Variants in DCAF11 observed in about 807,000 individuals in gnomAD.
DCAF11 encodes the protein DDB1 and CUL4 associated factor 11, also known as DDB1- and CUL4-associated factor 11.
Under a neutral mutation model 76.1 loss-of-function variants are expected in DCAF11, and 44 were observed. That is an observed-to-expected ratio of 0.58 (90% CI 0.45 to 0.74). The LOEUF (loss-of-function observed/expected upper bound fraction) is 0.74, where lower values mean the gene tolerates loss of function less well. Ranked by LOEUF, DCAF11 falls within the 30% of genes least tolerant of loss-of-function variation. The pLI, the probability that DCAF11 is intolerant of heterozygous loss-of-function variation, is 0.00. For missense variants in DCAF11, 604 were observed against 709.4 expected (o/e 0.85, Z 1.69); for synonymous variants, 258 against 255.0 (o/e 1.01, Z -0.11).
In DCAF11 at chr14:24,115,425, A is replaced by T; in HGVS notation, c.-170A>T. The T allele has an allele frequency of 3.3e-6, 3 of 899,794 alleles. No homozygotes were observed. Among genetic ancestry groups the T allele is most frequent in the Non-Finnish European group, 4.8e-6 (3 of 624,372 alleles). The allele number at this position is 899,794 out of a possible 1,614,324, so 55.7% of individuals were successfully genotyped here. A position where few individuals can be genotyped will look rare whatever the true frequency, so the allele number is the denominator to read the frequency against. On this transcript the variant is annotated 5_prime_UTR_variant, in exon 2 of 15. Transcript: ENST00000446197. ...TTCCCGACGCCTTGGTAGTTGGCAT[A>T]GGCTAAAGAAAAGGGATCTCAGCCC...
Position 24,118,456 on chromosome 14 carries a change from G to T in DCAF11, c.646G>T (p.Asp216Tyr). 6.2e-7 allele frequency: 1 copy of T among 1,614,176 alleles called. No homozygotes were observed. Residue 216 changes from aspartate to tyrosine, a missense_variant, in exon 7 of 15, where the codon GAC (aspartate) becomes TAC (tyrosine). Asp to Tyr is a radical substitution (Grantham distance 160). Transcript: ENST00000446197. ...TAAATTCAAGAGCATCAAGGCCCGCGACGTAGGCTGGAGCGTCTTGGATGT... is the reference window on the plus strand; with the variant it reads ...TAAATTCAAGAGCATCAAGGCCCGCTACGTAGGCTGGAGCGTCTTGGATGT... ...FRKFKSIKAR[D>Y]VGWSVLDVAF...
chr14:24,120,921 C>T lies in DCAF11; in HGVS notation c.1176C>T (p.Gly392=). ...TCCGACGCTTTTCCAGCCGGGAAGGCATGGAAGCTTCACGCCAGGCTGCCA... is the reference window on the plus strand; with the variant it reads ...TCCGACGCTTTTCCAGCCGGGAAGGTATGGAAGCTTCACGCCAGGCTGCCA... ...WDIRRFSSRE[G]MEASRQAATQ... is the part of the protein sequence containing the mutation. The change falls in exon 12 of 15, where the codon GGC becomes GGT. Residue 392 remains glycine (G), a synonymous_variant. Coordinates refer to ENST00000446197, the MANE Select transcript of DCAF11 (RefSeq NM_025230.5). 1 of 1,614,202 alleles carries T rather than the reference C, an allele frequency of 6.2e-7. No individual in the cohort carries two copies. Among genetic ancestry groups the T allele is most frequent in the South Asian group, 1.1e-5 (1 of 91,082 alleles).
intron 13 of DCAF11, 107 bp from the exon 14 acceptor site, chr14:24,122,864 A>C: frequency 2.1e-6 from 2 of 933,548 alleles, no homozygotes; most frequent in South Asian, 3.2e-5. Flanking sequence ...CCATGGGAAC[A>C]TGGGAAGTTG....
rs1170969287 is a variant in DCAF11 at position 24,118,981 on chromosome 14, T to C, written c.780-164T>C. 2.6e-6 allele frequency: 3 copies of C among 1,143,976 alleles called. No homozygotes were observed. The South Asian group carries it at 4.0e-5, about 15-fold the overall frequency. 70.9% of individuals were successfully genotyped at this position (1,143,976 alleles called of 1,614,324 possible). A position where few individuals can be genotyped will look rare whatever the true frequency, so the allele number is the denominator to read the frequency against. ...CCAGAGGACTGGGTAAAATAGATGG[T>C]TGCAGGATGATTTCTGGGTTCTCAC... On this transcript the variant is annotated intron_variant, in intron 8 of 14. Coordinates refer to ENST00000446197, the MANE Select transcript of DCAF11 (RefSeq NM_025230.5).
rs2037610369 is a variant in DCAF11 at position 24,117,761 on chromosome 14, T to C, written c.476+29T>C. The stretch of plus-strand genomic sequence containing the variant: ...AGTATGGGGCTTGGTGAAGAGACTC[T>C]AAGGGCCAGATAGGTCTTATCTCCT... On this transcript the variant is annotated intron_variant, in intron 5 of 14. Transcript: ENST00000446197. The surrounding 1 kb of genome is among the most constrained non-coding windows in gnomAD (Gnocchi z 4.3). 1 of 1,609,564 alleles carries C rather than the reference T, an allele frequency of 6.2e-7. No individual in the cohort carries two copies.
Position 24,118,068 on chromosome 14 carries a change from G to C in DCAF11, c.490G>C (p.Asp164His). 1 of 1,611,506 alleles carries C rather than the reference G, an allele frequency of 6.2e-7. No individual in the cohort carries two copies. The highest frequency in any genetic ancestry group is 1.1e-5 in the South Asian group (1 of 90,682). ...CTCCTTCCCTAGCTTCTTGCCCAAT[G>C]ATCTGGGCTTCACTGATAGCTACTC... ...SRVISHFLPN[D>H]LGFTDSYSQK... The change falls in exon 6 of 15, where the codon GAT becomes CAT. Residue 164 changes from aspartate (D) to histidine (H), a missense_variant. Coordinates refer to ENST00000446197, the MANE Select transcript of DCAF11 (RefSeq NM_025230.5).
Position 24,123,006 on chromosome 14 carries a change from C to A in DCAF11, c.1435C>A (p.Leu479Met). ...TCTAAGTGGCCACATTGTGAAGAAG[C>A]TGACCAACCACAAGGCCTGTGTGCG... Reference protein sequence around the residue: ...DLLSGHIVKKLTNHKACVRDV... With the variant: ...DLLSGHIVKKMTNHKACVRDV... Residue 479 changes from leucine (L) to methionine (M), a missense_variant, in exon 14 of 15, where the codon CTG becomes ATG. Coordinates refer to ENST00000446197, the MANE Select transcript of DCAF11 (RefSeq NM_025230.5). 4 of 1,614,198 alleles carry A rather than the reference C, an allele frequency of 2.5e-6. No homozygotes were observed. Among genetic ancestry groups the A allele is most frequent in the Non-Finnish European group, 3.4e-6 (4 of 1,180,034 alleles).
In DCAF11 at chr14:24,123,183, G is replaced by C; in HGVS notation, c.1515G>C (p.Gly505=). The C allele has an allele frequency of 6.2e-7, 1 of 1,610,840 alleles. No individual in the cohort carries two copies. The part of the protein sequence containing the change: ...EEKIVSSSWD[G]NLRLWQYRQA... ...CACCCTCTGCCCTGCAGTGGGACGG[G>C]AACCTGCGTCTGTGGCAGTACCGCC... Residue 505 remains glycine (G), a synonymous_variant, in exon 15 of 15, where the codon GGG becomes GGC. Coordinates refer to ENST00000446197, the MANE Select transcript of DCAF11 (RefSeq NM_025230.5).
Position 24,123,668 on chromosome 14 carries a change from C to T in DCAF11, c.*359C>T, listed in dbSNP as rs183269320. ...TGCCTGAGGCCACATCTGAACAGAC[C>T]TGTCAGCCAGGCCTGCCAGGTCTTC... On this transcript the variant is annotated 3_prime_UTR_variant, in exon 15 of 15. Transcript: ENST00000446197. 1.5e-4 allele frequency: 30 copies of T among 199,578 alleles called. No individual in the cohort carries two copies. The highest frequency in any genetic ancestry group is 1.1e-3 in the Admixed American group (19 of 17,134). The allele number at this position is 199,578 out of a possible 1,614,324, so 12.4% of individuals were successfully genotyped here. A position where few individuals can be genotyped will look rare whatever the true frequency, so the allele number is the denominator to read the frequency against.
At position 24,115,042 on chromosome 14, in the gene DCAF11, A is replaced by AG; in HGVS notation, c.-461dup. On this transcript the variant is annotated 5_prime_UTR_variant, in exon 1 of 15. It introduces an in-frame stop codon into an upstream open reading frame of the 5' UTR. Coordinates refer to ENST00000446197, the MANE Select transcript of DCAF11 (RefSeq NM_025230.5). ...CCACGTGGGCGTGAGGCGAGGAAGG[A>AG]GGGGTGTTAGGCCAAATTCTATTTT... The AG allele has an allele frequency of 1.0e-6, 1 of 985,150 alleles. No homozygotes were observed. The highest frequency in any genetic ancestry group is 1.2e-6 in the Non-Finnish European group (1 of 829,308). 61.0% of individuals were successfully genotyped at this position (985,150 alleles called of 1,614,324 possible).
In DCAF11 at chr14:24,115,522, T is replaced by G; in HGVS notation, c.-73T>G. 3.3e-6 allele frequency: 5 copies of G among 1,526,682 alleles called. No individual in the cohort carries two copies. Among genetic ancestry groups the G allele is most frequent in the Non-Finnish European group, 4.4e-6 (5 of 1,138,724 alleles). The allele number at this position is 1,526,682 out of a possible 1,614,324, so 94.6% of individuals were successfully genotyped here. ...AGACCCTGGTATTTCTAGAGCACGC[T>G]TTGCTTTCACCAAACCCAAGGAGGT... On this transcript the variant is annotated 5_prime_UTR_variant, in exon 2 of 15. Transcript: ENST00000446197.
In DCAF11 at chr14:24,124,400, C is replaced by A. The variant is rs2139026836; in HGVS notation, c.*1091C>A. 6.6e-6 allele frequency: 1 copy of A among 152,358 alleles called. No homozygotes were observed. Among genetic ancestry groups the A allele is most frequent in the South Asian group, 2.1e-4 (1 of 4,832 alleles). 9.4% of individuals were successfully genotyped at this position (152,358 alleles called of 1,614,324 possible). A position where few individuals can be genotyped will look rare whatever the true frequency, so the allele number is the denominator to read the frequency against. On this transcript the variant is annotated 3_prime_UTR_variant, in exon 15 of 15. Coordinates refer to ENST00000446197, the MANE Select transcript of DCAF11 (RefSeq NM_025230.5). ...AAGCAAGTCGGCCCTGACGCCAGGC[C>A]CCAGTGGGCGCCTCACACTCAGAAC...
At position 24,120,924 on chromosome 14, in the gene DCAF11, G is replaced by A; in HGVS notation, c.1179G>A (p.Met393Ile). 6.2e-7 allele frequency: 1 copy of A among 1,614,212 alleles called. No individual in the cohort carries two copies. Residue 393 changes from methionine (M) to isoleucine (I), a missense_variant, in exon 12 of 15, where the codon ATG (methionine) becomes ATA (isoleucine). Physicochemically the swap from Met to Ile is conservative, Grantham distance 10. Coordinates refer to ENST00000446197, the MANE Select transcript of DCAF11 (RefSeq NM_025230.5). ...DIRRFSSREG[M>I]EASRQAATQQ... Reference sequence around the variant, plus strand: ...GACGCTTTTCCAGCCGGGAAGGCATGGAAGCTTCACGCCAGGCTGCCACAC... The same window carrying A: ...GACGCTTTTCCAGCCGGGAAGGCATAGAAGCTTCACGCCAGGCTGCCACAC...
In DCAF11 at chr14:24,123,324, C is replaced by T; in HGVS notation, c.*15C>T. 1.3e-6 allele frequency: 2 copies of T among 1,519,038 alleles called. No homozygotes were observed. Among genetic ancestry groups the T allele is most frequent in the Non-Finnish European group, 8.8e-7 (1 of 1,134,020 alleles). 94.1% of individuals were successfully genotyped at this position (1,519,038 alleles called of 1,614,324 possible). ...CACCCCAGTAGATCCAACCTCCAGC[C>T]CCATATAGGGTGAACCTCTTGATAA... On this transcript the variant is annotated 3_prime_UTR_variant, in exon 15 of 15. Coordinates refer to ENST00000446197, the MANE Select transcript of DCAF11 (RefSeq NM_025230.5).
At chr14:24,121,650 C>T in intron 13 of DCAF11, 133 bp downstream of exon 13, 1 of 956,150 alleles carries the variant, frequency 1.0e-6, no homozygotes, top group Non-Finnish European at 1.5e-6. Flanking sequence ...AGCTTGGAGG[C>T]TTAAACAGAG....
In DCAF11 at chr14:24,119,916, T is replaced by C; in HGVS notation, c.1092+20T>C. The C allele has an allele frequency of 6.3e-7, 1 of 1,587,092 alleles. No homozygotes were observed. The highest frequency in any genetic ancestry group is 8.6e-7 in the Non-Finnish European group (1 of 1,163,728). On this transcript the variant is annotated intron_variant, in intron 11 of 14. Transcript: ENST00000446197. The stretch of plus-strand genomic sequence containing the variant: ...AGCAAGGTGGGCCAGAAGTCAGGAC[T>C]GTACAGCCAGGCCGCTAAGGTTCTA...
In DCAF11 at chr14:24,114,866, C is replaced by T; in HGVS notation, c.-641C>T. ...GAGGAGCGGTTGGCCAACGCAGTGG[C>T]GGCAGTCGGTGTAAACAAGGCCTCG... On this transcript the variant is annotated 5_prime_UTR_variant, in exon 1 of 15. Transcript: ENST00000446197. The T allele has an allele frequency of 1.0e-6, 1 of 985,938 alleles. No homozygotes were observed. The highest frequency in any genetic ancestry group is 1.2e-6 in the Non-Finnish European group (1 of 829,960). 61.1% of individuals were successfully genotyped at this position (985,938 alleles called of 1,614,324 possible).
rs2037532050 is a variant in DCAF11 at position 24,115,583 on chromosome 14, T to C, written c.-12T>C. ...GCCCCCGCACAGGACCTAAGAATGC[T>C]GTGACCAGAAGATGGGATCGCGGAA... On this transcript the variant is annotated 5_prime_UTR_variant, in exon 2 of 15. Coordinates refer to ENST00000446197, the MANE Select transcript of DCAF11 (RefSeq NM_025230.5). The C allele has an allele frequency of 1.2e-6, 2 of 1,609,258 alleles. No homozygotes were observed. The highest frequency in any genetic ancestry group is 1.7e-6 in the Non-Finnish European group (2 of 1,177,598).
chr14:24,118,673 T>C (rs1239270457), intron 7 of DCAF11, 77 bp from the exon 8 acceptor site: 16 of 1,601,064 alleles, frequency 1.0e-5, no homozygotes, highest in South Asian at 2.2e-5. Flanking sequence ...TGTCCCCTGT[T>C]TGATCTCTTC....
Sources: gnomAD v4.1 joint callset for allele counts on GRCh38, gnomAD v4.1.1 for gene constraint, Gnocchi (gnomAD v3.1) non-coding constraint, MANE v1.5 for transcripts, NCBI Gene and HGNC (gene_info 2026-07-23, HGNC 2026-07-21) for gene names.